The following MAGI1 variants were observed in gnomAD, a reference collection of about 807,000 sequenced individuals.
The protein encoded by MAGI1 is membrane associated guanylate kinase, WW and PDZ domain containing 1, also known as membrane-associated guanylate kinase, WW and PDZ domain-containing protein 1.
MAGI1 carries 58 observed loss-of-function variants against 139.9 expected under a neutral mutation model. The ratio of observed to expected loss-of-function variants is 0.41; its 90% CI spans 0.34 to 0.52. MAGI1 has a LOEUF of 0.52. Ranked by LOEUF, MAGI1 falls within the 20% of genes least tolerant of loss-of-function variation. The pLI is 0.12. For synonymous variants in MAGI1, 812 were observed against 737.9 expected (o/e 1.10, Z -1.63); for missense variants, 1,874 against 1,901.6 (o/e 0.99, Z 0.27).
intron 1 of MAGI1, among the ~76,000 whole-genome samples, chr3:65,758,623 T>C (rs764317502): frequency 1.3e-5 from 2 of 152,156 alleles, no homozygotes; most frequent in Non-Finnish European, 2.9e-5. Context: ...GGAGACATTA[T>C]TGGTTGTCAC....
intron 3 of MAGI1, among the ~76,000 whole-genome samples, chr3:65,487,801 C>T (rs149426681): frequency 2.6e-4 from 40 of 152,310 alleles, no homozygotes; most frequent in Admixed American, 5.2e-4. Context: ...ACTCTTAAGA[C>T]CTGCTTTGCT....
intron 2 of MAGI1, among the ~76,000 whole-genome samples, chr3:65,569,948 G>A (rs1044301705): frequency 7.9e-5 from 12 of 151,762 alleles, no homozygotes; most frequent in Non-Finnish European, 1.5e-4. Flanking sequence ...TATTTTTACT[G>A]AAATACTTAG....
At chr3:65,720,243 A>G (rs2107684211) in intron 1 of MAGI1, 1 of 152,212 alleles carries the variant, frequency 6.6e-6, no homozygotes, top group East Asian at 1.9e-4. Flanking sequence ...ACATCCAGGT[A>G]TCTGGGAGGC....
intron 14 of MAGI1, among the ~76,000 whole-genome samples, chr3:65,390,513 A>G (rs1343782991): frequency 6.6e-6 from 1 of 152,190 alleles, no homozygotes; most frequent in African/African-American, 2.4e-5. Context: ...TTCATAATAA[A>G]AAGACGTTAA....
intron 1 of MAGI1, among the ~76,000 whole-genome samples, chr3:65,700,705 A>C (rs926148175): frequency 6.6e-6 from 1 of 152,216 alleles, no homozygotes; most frequent in African/African-American, 2.4e-5. Context: ...TCAACCAATT[A>C]AAAAATGACT....
At chr3:65,661,571 G>A (rs2086188398) in intron 1 of MAGI1, among the ~76,000 whole-genome samples, 2 of 152,046 alleles carry the variant, frequency 1.3e-5, no homozygotes, top group African/African-American at 2.4e-5. Context: ...GACACCTTGA[G>A]CAAGCCACTT....
intron 1 of MAGI1, among the ~76,000 whole-genome samples, chr3:65,637,557 AAAGAAAGAAAG>A (rs1319962922): frequency 3.1e-4 from 3 of 9,762 alleles, no homozygotes; most frequent in African/African-American, 3.0e-4. Flanking sequence ...GTCTCCAAAA[AAAGAAAGAAAG>A]AAAGAAAGAA....
rs761948943 is a variant in MAGI1 at position 65,684,868 on chromosome 3, A to ATTTT, written c.314-62784_314-62781dup. Among the ~76,000 whole-genome samples the ATTTT allele has an allele frequency of 2.7e-3, 261 of 98,170 alleles. 18 individuals carry two copies. The highest frequency in any genetic ancestry group is 0.014 in the African/African-American group (247 of 17,706). 64.4% of individuals were successfully genotyped at this position (98,170 alleles called of 152,430 possible). On this transcript the variant is annotated intron_variant, in intron 1 of 22. Transcript: ENST00000402939. The stretch of plus-strand genomic sequence containing the variant: ...AGGTGCAAGCCACCACACCTGGCTA[A>ATTTT]TTTTTTTTTTTTTTTTTTTTTTTTT...
At chr3:65,467,932 CCA>C (rs1192914663) in intron 5 of MAGI1, among the ~76,000 whole-genome samples, 1 of 152,128 alleles carries the variant, frequency 6.6e-6, no homozygotes, top group Non-Finnish European at 1.5e-5. Flanking sequence ...CTCAGAATAA[CCA>C]CAGATAATGA....
intron 2 of MAGI1, among the ~76,000 whole-genome samples, chr3:65,538,061 G>T (rs1266722148): frequency 6.6e-6 from 1 of 152,190 alleles, no homozygotes; most frequent in Non-Finnish European, 1.5e-5. Context: ...CTTGAACCCA[G>T]GAGGCAGAGG....
rs142043619 is a variant in MAGI1, at chr3:65,439,885, T to TCTGCTGCTGCTGCTG, written c.1249_1263dup (p.Gln417_Gln421dup). ...CTAGAGGAAAGAGGCCAACCTTCTG[T>TCTGCTGCTGCTGCTG]CTGCTGCTGCTGCTGCTGCTGCTGC... On this transcript the variant is annotated inframe_insertion, in exon 9 of 23. Transcript: ENST00000402939. The TCTGCTGCTGCTGCTG allele has an allele frequency of 1.1e-4, 182 of 1,584,878 alleles. No homozygotes were observed. In the East Asian group the frequency reaches 2.9e-3, roughly 26 times the overall value.
At position 65,796,437 on chromosome 3, in the gene MAGI1, T is replaced by C. The variant is rs201772593; in HGVS notation, c.314-174349A>G. Among the ~76,000 whole-genome samples, 18 of 152,242 alleles carry C rather than the reference T, an allele frequency of 1.2e-4. No homozygotes were observed. The East Asian group carries it at 1.9e-3, about 16-fold the overall frequency. Reference sequence around the variant, plus strand: ...ACCTGGGTACCGTGGCCTAGCCAAGTACAAACAAAATTAACCATTACAGCT... The same window carrying C: ...ACCTGGGTACCGTGGCCTAGCCAAGCACAAACAAAATTAACCATTACAGCT... On this transcript the variant is annotated intron_variant, in intron 1 of 22. Transcript: ENST00000402939.
chr3:65,403,457 A>C (rs1945073857), intron 12 of MAGI1, among the ~76,000 whole-genome samples: 1 of 152,214 alleles, frequency 6.6e-6, no homozygotes, highest in Non-Finnish European at 1.5e-5. Context: ...TGGCTTATTA[A>C]TATGATTCCC....
chr3:65,428,612 T>C (rs1947242732), intron 12 of MAGI1, among the ~76,000 whole-genome samples: 1 of 152,174 alleles, frequency 6.6e-6, no homozygotes, highest in South Asian at 2.1e-4. Context: ...CATTCATAAA[T>C]ACCTAAAAGG....
intron 18 of MAGI1, among the ~76,000 whole-genome samples, chr3:65,375,343 C>T (rs954331321): frequency 1.4e-4 from 22 of 152,114 alleles, no homozygotes; most frequent in Admixed American, 3.3e-4. Context: ...CGCCCGCCAC[C>T]GCGCCCGGCT....
chr3:65,797,476 A>T (rs1234069021), intron 1 of MAGI1, among the ~76,000 whole-genome samples: 1 of 152,238 alleles, frequency 6.6e-6, no homozygotes, highest in African/African-American at 2.4e-5. Flanking sequence ...TAATCCCAGT[A>T]CTTTGAGCAG....
chr3:65,913,308 T>C (rs144366958), intron 1 of MAGI1, among the ~76,000 whole-genome samples: 1 of 152,218 alleles, frequency 6.6e-6, no homozygotes, highest in Non-Finnish European at 1.5e-5. Context: ...AGCCATGAAG[T>C]TCAATTCTTT....
intron 2 of MAGI1, among the ~76,000 whole-genome samples, chr3:65,582,988 C>CCAAACAAGTGAAATG (rs2081509235): frequency 6.6e-6 from 1 of 152,160 alleles, no homozygotes; most frequent in South Asian, 2.1e-4. Context: ...ATAAGTCAAA[C>CCAAACAAGTGAAATG]CAAACAAGTG....
At chr3:65,981,259 T>C (rs1407251475) in intron 1 of MAGI1, among the ~76,000 whole-genome samples, 2 of 152,234 alleles carry the variant, frequency 1.3e-5, no homozygotes, top group Non-Finnish European at 1.5e-5. Flanking sequence ...AGCTTCTATA[T>C]TGGATAGCTC....
Sources: allele counts gnomAD v4.1 joint callset (sites outside exome capture counted in the v4.1 genomes callset), GRCh38; gene constraint gnomAD v4.1.1; transcripts MANE v1.5; gene names NCBI Gene and HGNC (gene_info 2026-07-23, HGNC 2026-07-21).